CRYBG1: variants seen among roughly 807,000 people sequenced by gnomAD.
The protein encoded by CRYBG1 is crystallin beta-gamma domain containing 1, also known as beta/gamma crystallin domain-containing protein 1.
Under a neutral mutation model 189.2 loss-of-function variants are expected in CRYBG1, and 139 were observed. The ratio of observed to expected loss-of-function variants is 0.73; its 90% confidence interval spans 0.64 to 0.85. The LOEUF (loss-of-function observed/expected upper bound fraction) is 0.85, where lower values mean the gene tolerates loss of function less well. Among genes scored for constraint, CRYBG1 ranks in the 40% least tolerant of loss-of-function variants. The pLI is 0.00. For missense variants in CRYBG1, 2,611 were observed against 2,675.8 expected (o/e 0.98, Z 0.53); for synonymous variants, 1,023 against 1,017.1 (o/e 1.01, Z -0.11).
At chr6:106,555,320 T>G (rs1226856633) in intron 16 of CRYBG1, among the ~76,000 whole-genome samples, 1 of 151,862 alleles carries the variant, frequency 6.6e-6, no homozygotes, top group African/African-American at 2.4e-5. Context: ...CCTGGCCCAG[T>G]GCAGAGGTAT....
chr6:106,389,964 A>G (rs1770469618), intron 1 of CRYBG1, among the ~76,000 whole-genome samples: 1 of 152,088 alleles, frequency 6.6e-6, no homozygotes, highest in Admixed American at 6.6e-5. Context: ...CCTTTTGGCA[A>G]AGGATACTTT....
chr6:106,484,990 A>T (rs908783340), intron 2 of CRYBG1, among the ~76,000 whole-genome samples: 2 of 150,784 alleles, frequency 1.3e-5, no homozygotes, highest in African/African-American at 2.5e-5. Flanking sequence ...GACCCTATTT[A>T]AAAAAAAAGG....
At chr6:106,387,225 T>C (rs1291353874) in intron 1 of CRYBG1, among the ~76,000 whole-genome samples, 2 of 152,312 alleles carry the variant, frequency 1.3e-5, no homozygotes, top group African/African-American at 2.4e-5. Context: ...TTATGGAACA[T>C]ATTGAATTAT....
intron 1 of CRYBG1, among the ~76,000 whole-genome samples, chr6:106,450,965 G>A (rs1242876022): frequency 6.6e-6 from 1 of 152,212 alleles, no homozygotes; most frequent in Non-Finnish European, 1.5e-5. Flanking sequence ...ATCAGTTACT[G>A]GTGAGGGAAA....
At chr6:106,429,959 T>C (rs975946871) in intron 1 of CRYBG1, among the ~76,000 whole-genome samples, 1 of 152,214 alleles carries the variant, frequency 6.6e-6, no homozygotes, top group African/African-American at 2.4e-5. Flanking sequence ...TCATTTAAAA[T>C]AGTAAGAGAT....
intron 1 of CRYBG1, among the ~76,000 whole-genome samples, chr6:106,429,239 C>A (rs188993498): frequency 1.3e-5 from 2 of 152,286 alleles, no homozygotes; most frequent in East Asian, 3.9e-4. Context: ...ATGACATGTG[C>A]TTGAGTAGGG....
In CRYBG1 at chr6:106,519,798, T is replaced by G; in HGVS notation, c.2590T>G (p.Ser864Ala). 6.2e-7 allele frequency: 1 copy of G among 1,614,124 alleles called. No homozygotes were observed. The highest frequency in any genetic ancestry group is 8.5e-7 in the Non-Finnish European group (1 of 1,179,996). Residue 864 changes from serine to alanine, a missense_variant, in exon 4 of 22, where the codon TCC becomes GCC. Ser to Ala is a moderately conservative substitution (Grantham distance 99, BLOSUM62 1). Coordinates refer to ENST00000633556, the MANE Select transcript of CRYBG1 (RefSeq NM_001371242.2). ...ACAGCATACATTTTCTGACTCACAG[T>G]CCCCTGCTGAGTCATCTCCTGGGCC... ...KPQHTFSDSQ[S>A]PAESSPGPSL...
Position 106,360,919 on chromosome 6 carries a change from C to T in CRYBG1, c.11C>T (p.Ser4Phe), listed in dbSNP as rs569870184. 3 of 1,533,408 alleles carry T rather than the reference C, an allele frequency of 2.0e-6. No individual in the cohort carries two copies. The highest frequency in any genetic ancestry group is 1.2e-5 in the South Asian group (1 of 83,936). The allele number at this position is 1,533,408 out of a possible 1,614,324, so 95.0% of individuals were successfully genotyped here. A position where few individuals can be genotyped will look rare whatever the true frequency, so the allele number is the denominator to read the frequency against. MPLSPPAQGDPGEP... is the reference protein window; with the variant it reads MPLFPPAQGDPGEP... ...GAGGAGGACAAGACGATGCCGCTGTCCCCGCCAGCCCAGGGCGACCCCGGG... is the reference window on the plus strand; with the variant it reads ...GAGGAGGACAAGACGATGCCGCTGTTCCCGCCAGCCCAGGGCGACCCCGGG... Residue 4 changes from serine to phenylalanine, a missense_variant, in exon 1 of 22, where the codon TCC becomes TTC. Ser to Phe is a radical substitution (Grantham distance 155). This residue lies in a region of CRYBG1 where 985 missense variants were observed against 924.4 expected (regional missense o/e 1.07). Coordinates refer to ENST00000633556, the MANE Select transcript of CRYBG1 (RefSeq NM_001371242.2).
intron 2 of CRYBG1, among the ~76,000 whole-genome samples, chr6:106,492,797 G>C (rs1353793164): frequency 6.6e-6 from 1 of 152,024 alleles, no homozygotes; most frequent in Non-Finnish European, 1.5e-5. Context: ...TAATGTAAGA[G>C]ACTTGTCCTT....
intron 11 of CRYBG1, 50 bp downstream of exon 11, chr6:106,543,647 A>T: frequency 1.9e-6 from 3 of 1,577,454 alleles, no homozygotes; most frequent in Non-Finnish European, 2.6e-6. Flanking sequence ...CGAAATATTA[A>T]GTAATAAATG....
intron 3 of CRYBG1, among the ~76,000 whole-genome samples, chr6:106,514,182 A>G (rs1057383022): frequency 3.9e-5 from 6 of 152,204 alleles, no homozygotes; most frequent in African/African-American, 1.4e-4. Flanking sequence ...TGGACAGGAT[A>G]GGGAAGGTAC....
intron 1 of CRYBG1, among the ~76,000 whole-genome samples, chr6:106,435,359 C>T (rs946413653): frequency 2.6e-5 from 4 of 152,036 alleles, no homozygotes; most frequent in African/African-American, 9.7e-5. Flanking sequence ...GCAATAGGGC[C>T]TCACTATGTT....
At chr6:106,478,083 G>C (rs1241880831) in intron 2 of CRYBG1, among the ~76,000 whole-genome samples, 1 of 152,226 alleles carries the variant, frequency 6.6e-6, no homozygotes, top group East Asian at 1.9e-4. Flanking sequence ...GAGTGGGTGA[G>C]ATCAGCTAGG....
At chr6:106,451,958 A>T in intron 2 of CRYBG1, 126 bp downstream of exon 2, 2 of 459,648 alleles carry the variant, frequency 4.4e-6, no homozygotes, top group East Asian at 5.1e-5. Context: ...ATCATAAATT[A>T]TATATATCAT....
intron 19 of CRYBG1, 115 bp downstream of exon 19, chr6:106,561,041 T>A: frequency 1.7e-6 from 2 of 1,187,368 alleles, no homozygotes; most frequent in Non-Finnish European, 2.3e-6. Flanking sequence ...CCTCACCCTA[T>A]AAACTCCTTC....
intron 2 of CRYBG1, among the ~76,000 whole-genome samples, chr6:106,506,745 A>G (rs1449347725): frequency 6.6e-6 from 1 of 152,052 alleles, no homozygotes; most frequent in Non-Finnish European, 1.5e-5. Context: ...GAGCCACTGC[A>G]CCCAGTCTAG....
intron 1 of CRYBG1, among the ~76,000 whole-genome samples, chr6:106,374,653 T>C (rs1030708831): frequency 6.6e-6 from 1 of 152,230 alleles, no homozygotes; most frequent in Non-Finnish European, 1.5e-5. Flanking sequence ...GTGTAATTGT[T>C]ACTGCTAAAG....
intron 2 of CRYBG1, among the ~76,000 whole-genome samples, chr6:106,474,590 C>T (rs773840200): frequency 2.6e-5 from 4 of 152,128 alleles, no homozygotes; most frequent in African/African-American, 9.7e-5. Flanking sequence ...AGAGTGTCTT[C>T]GCTTTTAAAA....
At chr6:106,398,305 A>C (rs2114349338) in intron 1 of CRYBG1, among the ~76,000 whole-genome samples, 1 of 152,290 alleles carries the variant, frequency 6.6e-6, no homozygotes, top group Non-Finnish European at 1.5e-5. Flanking sequence ...GCTTGAGCTC[A>C]TGAGTTCAAG....
Sources: allele counts gnomAD v4.1 joint callset (sites outside exome capture counted in the v4.1 genomes callset), GRCh38; gene constraint gnomAD v4.1.1; regional missense constraint gnomAD v4.1.1; transcripts MANE v1.5; gene names NCBI Gene and HGNC (gene_info 2026-07-23, HGNC 2026-07-21).